Variants in RBFOX1 observed in about 807,000 individuals in gnomAD.
RBFOX1 encodes the protein RNA binding protein fox-1 homolog 1.
A neutral mutation model predicts 57.7 loss-of-function variants in RBFOX1; 8 were observed. That is an observed-to-expected ratio of 0.14 (90% CI 0.08 to 0.25). RBFOX1 has a LOEUF of 0.25. Among genes scored for constraint, RBFOX1 ranks in the 10% least tolerant of loss-of-function variants. The probability of loss-of-function intolerance (pLI) is 1.00; values close to 1 mark genes in which losing one functional copy is unlikely to be tolerated. For synonymous variants in RBFOX1, 326 were observed against 222.4 expected (o/e 1.47, Z -4.15); for missense variants, 611 against 548.5 (o/e 1.11, Z -1.14).
chr16:5,721,892 A>G (rs1463631039), intron 3 of RBFOX1, among the ~76,000 whole-genome samples: 4 of 152,218 alleles, frequency 2.6e-5, no homozygotes, highest in African/African-American at 7.2e-5. Context: ...TCACTGCTTC[A>G]TATGTGGAAA....
At chr16:7,298,839 T>TGAGGAG (rs957604961) in intron 4 of RBFOX1, among the ~76,000 whole-genome samples, 3 of 151,972 alleles carry the variant, frequency 2.0e-5, no homozygotes, top group Non-Finnish European at 4.4e-5. Context: ...TGAGGTAGGC[T>TGAGGAG]GAGGAGGAGG....
intron 2 of RBFOX1, among the ~76,000 whole-genome samples, chr16:5,492,457 A>G (rs986338875): frequency 1.3e-5 from 2 of 152,208 alleles, no homozygotes; most frequent in Admixed American, 1.3e-4. Context: ...GATGAGTGCA[A>G]TAAAAGCAGA....
intron 3 of RBFOX1, among the ~76,000 whole-genome samples, chr16:5,730,244 C>CT: frequency 6.6e-6 from 1 of 152,142 alleles, no homozygotes; most frequent in Non-Finnish European, 1.5e-5. Context: ...GGTTTATTCT[C>CT]TTTTTTTCTT....
At chr16:7,311,991 T>C (rs1323876315) in intron 4 of RBFOX1, among the ~76,000 whole-genome samples, 1 of 152,234 alleles carries the variant, frequency 6.6e-6, no homozygotes, top group East Asian at 1.9e-4. Flanking sequence ...AACAACCATT[T>C]CATACTGTTC....
chr16:6,787,693 T>C (rs888542043), intron 3 of RBFOX1, among the ~76,000 whole-genome samples: 4 of 152,180 alleles, frequency 2.6e-5, no homozygotes, highest in Non-Finnish European at 5.9e-5. Flanking sequence ...TTCATGATCG[T>C]AGCATTCCAT....
chr16:6,488,086 C>T (rs1034573507), intron 2 of RBFOX1, among the ~76,000 whole-genome samples: 1 of 152,128 alleles, frequency 6.6e-6, no homozygotes, highest in African/African-American at 2.4e-5. Context: ...CCAAACAAAT[C>T]AAGGTGCACT....
In RBFOX1 at chr16:6,974,642, G is replaced by T. The variant is rs1200266764; in HGVS notation, c.-15-77415G>T. Among the ~76,000 whole-genome samples, 3 of 152,134 alleles carry T rather than the reference G, an allele frequency of 2.0e-5. No individual in the cohort carries two copies. The East Asian group carries it at 5.8e-4, about 29-fold the overall frequency. On this transcript the variant is annotated intron_variant, in intron 3 of 15. Coordinates refer to ENST00000550418, the MANE Select transcript of RBFOX1 (RefSeq NM_018723.4). ...TTACAGGCGTGAGTCACTGCACCTG[G>T]CCCATAAATCATATTCTTTATTTGC...
At chr16:5,454,958 C>CCTTTCTTTCTTTCTTTCTTTCTTT (rs1169954657) in intron 1 of RBFOX1, among the ~76,000 whole-genome samples, 10 of 30,420 alleles carry the variant, frequency 3.3e-4, no homozygotes, top group Admixed American at 4.7e-4. Flanking sequence ...TTCCTTCCTT[C>CCTTTCTTTCTTTCTTTCTTTCTTT]CTTTCTTTCT....
At position 7,062,334 on chromosome 16, in the gene RBFOX1, A is replaced by AAAG. The variant is rs1555836727; in HGVS notation, c.27+10238_27+10239insGAA. Among the ~76,000 whole-genome samples the AAAG allele has an allele frequency of 4.0e-4, 58 of 143,710 alleles. 1 individual carries two copies. The highest frequency in any genetic ancestry group is 1.5e-3 in the African/African-American group (55 of 37,694). 94.3% of individuals were successfully genotyped at this position (143,710 alleles called of 152,430 possible). A position where few individuals can be genotyped will look rare whatever the true frequency, so the allele number is the denominator to read the frequency against. On this transcript the variant is annotated intron_variant, in intron 4 of 15. Coordinates refer to ENST00000550418, the MANE Select transcript of RBFOX1 (RefSeq NM_018723.4). Reference sequence around the variant, plus strand: ...CTCCATCTCAAAAAAAAAAAAAAAAAAAAAGAAAAGAAAAAAGGAAAAATG... The same window carrying AAAG: ...CTCCATCTCAAAAAAAAAAAAAAAAAAAGAAAAGAAAAGAAAAAAGGAAAAATG...
intron 3 of RBFOX1, among the ~76,000 whole-genome samples, chr16:5,810,858 GA>G (rs948446613): frequency 4.6e-5 from 7 of 151,274 alleles, no homozygotes; most frequent in African/African-American, 1.2e-4. Context: ...CTCTTGTTTA[GA>G]AAAAAAAATT....
At chr16:6,372,922 T>C (rs975433476) in intron 2 of RBFOX1, among the ~76,000 whole-genome samples, 1 of 150,904 alleles carries the variant, frequency 6.6e-6, no homozygotes, top group African/African-American at 2.4e-5. Context: ...TTGGTTAGGA[T>C]TGTTGGGTAG....
chr16:7,096,012 C>CAAAAAAAAAAA (rs71408498), intron 4 of RBFOX1, among the ~76,000 whole-genome samples: 2 of 111,478 alleles, frequency 1.8e-5, no homozygotes, highest in African/African-American at 3.5e-5. Context: ...GACTCTGTCT[C>CAAAAAAAAAAA]AAAAAAAAAA....
chr16:5,914,934 A>G (rs756902636), intron 4 of RBFOX1, among the ~76,000 whole-genome samples: 2 of 152,094 alleles, frequency 1.3e-5, no homozygotes, highest in African/African-American at 2.4e-5. Context: ...AAGAGAGTCT[A>G]TGACAAAGGG....
chr16:7,267,458 C>T (rs1346050250), intron 4 of RBFOX1, among the ~76,000 whole-genome samples: 1 of 152,146 alleles, frequency 6.6e-6, no homozygotes, highest in African/African-American at 2.4e-5. Flanking sequence ...ATCACTTGAA[C>T]CTAGTAGGTG....
At chr16:6,980,619 A>T (rs2088507213) in intron 3 of RBFOX1, among the ~76,000 whole-genome samples, 1 of 151,982 alleles carries the variant, frequency 6.6e-6, no homozygotes, top group South Asian at 2.1e-4. Context: ...TAGCTGAAAA[A>T]CTCCAATTAT....
intron 2 of RBFOX1, among the ~76,000 whole-genome samples, chr16:6,438,307 T>C (rs968215985): frequency 5.3e-5 from 8 of 152,210 alleles, no homozygotes; most frequent in African/African-American, 9.6e-5. Flanking sequence ...GTACTGTTGT[T>C]TCTATGTTAA....
intron 4 of RBFOX1, among the ~76,000 whole-genome samples, chr16:7,331,007 G>C (rs1016674522): frequency 2.0e-5 from 3 of 152,124 alleles, no homozygotes; most frequent in Non-Finnish European, 4.4e-5. Context: ...GGAGCTTTTT[G>C]AATTGTACAA....
At chr16:7,078,112 A>T (rs1174721610) in intron 4 of RBFOX1, among the ~76,000 whole-genome samples, 1 of 152,138 alleles carries the variant, frequency 6.6e-6, no homozygotes, top group Non-Finnish European at 1.5e-5. Flanking sequence ...CTCATGAGAA[A>T]GGCTGGTAAC....
chr16:5,566,377 G>A (rs941285477), intron 2 of RBFOX1, among the ~76,000 whole-genome samples: 1 of 151,984 alleles, frequency 6.6e-6, no homozygotes, highest in Non-Finnish European at 1.5e-5. Flanking sequence ...ATGGTGGCAC[G>A]GTACATAGAG....
Sources: gnomAD v4.1 joint callset for allele counts (sites outside exome capture counted in the v4.1 genomes callset) on GRCh38, gnomAD v4.1.1 for gene constraint, MANE v1.5 for transcripts, NCBI Gene and HGNC (gene_info 2026-07-23, HGNC 2026-07-21) for gene names.